The following DYNC2H1 variants were observed in gnomAD, a reference collection of about 807,000 sequenced individuals.
The protein encoded by DYNC2H1 is cytoplasmic dynein 2 heavy chain 1.
A neutral mutation model predicts 570.0 loss-of-function variants in DYNC2H1; 410 were observed. The ratio of observed to expected loss-of-function variants is 0.72; its 90% CI spans 0.66 to 0.78. The LOEUF (loss-of-function observed/expected upper bound fraction) is 0.78, where lower values mean the gene tolerates loss of function less well. Among genes scored for constraint, DYNC2H1 ranks in the 30% least tolerant of loss-of-function variants. The pLI is 0.00. For synonymous variants in DYNC2H1, 1,688 were observed against 1,677.6 expected, an observed-to-expected ratio of 1.01 and a Z score of -0.15; for missense variants, 4,865 against 5,046.4, an observed-to-expected ratio of 0.96 and a Z score of 1.09.
chr11:103,468,097 C>A (rs1308585152), intron 87 of DYNC2H1, among the ~76,000 whole-genome samples: 1 of 152,146 alleles, frequency 6.6e-6, no homozygotes, highest in African/African-American at 2.4e-5. Context: ...CCAAGGTTAC[C>A]TTAAAGACAT....
intron 43 of DYNC2H1, 92 bp downstream of exon 43, chr11:103,187,678 C>A: frequency 7.0e-7 from 1 of 1,435,944 alleles, no homozygotes; most frequent in Non-Finnish European, 9.4e-7. Context: ...TCATTTGGGG[C>A]CAGTTTTATC....
Position 103,243,854 on chromosome 11 carries a change from G to A in DYNC2H1, c.9918+63G>A. 3 of 1,305,380 alleles carry A rather than the reference G, an allele frequency of 2.3e-6. No individual in the cohort carries two copies. The highest frequency in any genetic ancestry group is 3.2e-6 in the Non-Finnish European group (3 of 945,002). The allele number at this position is 1,305,380 out of a possible 1,614,324, so 80.9% of individuals were successfully genotyped here. ...GACCTCTTATAGTGAAAAGATCTTG[G>A]AGTCTATAATCAGAAAACATAGATT... On this transcript the variant is annotated intron_variant, in intron 64 of 88. Coordinates refer to ENST00000375735, the MANE Select transcript of DYNC2H1 (RefSeq NM_001377.3). This position sits in a 1 kb window ranked among gnomAD's most constrained non-coding sequence, Gnocchi z 4.8.
intron 87 of DYNC2H1, 97 bp from the exon 88 acceptor site, chr11:103,468,492 A>T: frequency 1.3e-6 from 1 of 768,688 alleles, no homozygotes; most frequent in Non-Finnish European, 2.1e-6. Context: ...GAATCGGTGA[A>T]CACAATGGAA....
chr11:103,202,795 C>A (rs1430203759), intron 50 of DYNC2H1, among the ~76,000 whole-genome samples: 2 of 152,066 alleles, frequency 1.3e-5, no homozygotes, highest in Non-Finnish European at 2.9e-5. Context: ...TTATTAAATG[C>A]CTCTTATATG....
Position 103,243,742 on chromosome 11 carries a change from G to A in DYNC2H1, c.9869G>A (p.Trp3290Ter). 1 of 1,605,788 alleles carries A rather than the reference G, an allele frequency of 6.2e-7. No homozygotes were observed. ...GATCCTTCTTCCCAAGCTACAGAGTGGTTAAAAACACATTTGAAAGACTCA... is the reference window on the plus strand; with the variant it reads ...GATCCTTCTTCCCAAGCTACAGAGTAGTTAAAAACACATTTGAAAGACTCA... ...LIDPSSQATE[W>*]LKTHLKDSRL... Residue 3290 changes from tryptophan (W) to a stop codon, truncating the protein, a stop_gained, in exon 64 of 89, where the codon TGG becomes TAG. Coordinates refer to ENST00000375735, the MANE Select transcript of DYNC2H1 (RefSeq NM_001377.3). LOFTEE classifies it high-confidence loss of function. This position sits in a 1 kb window ranked among gnomAD's most constrained non-coding sequence, Gnocchi z 4.8.
intron 55 of DYNC2H1, among the ~76,000 whole-genome samples, chr11:103,219,505 G>A (rs1286190106): frequency 6.6e-6 from 1 of 152,104 alleles, no homozygotes; most frequent in East Asian, 1.9e-4. Context: ...CCAGCTACTT[G>A]TGAGGCTGAG....
chr11:103,424,705 C>CA lies in DYNC2H1; in HGVS notation c.12367-11223dup, dbSNP rs72076859. Reference sequence around the variant, plus strand: ...GGCAAATGTTTAAAAACTGGCTCTCCAAAAAAAAAAAAAAAGAGGAGGCAA... The same window carrying CA: ...GGCAAATGTTTAAAAACTGGCTCTCCAAAAAAAAAAAAAAAAGAGGAGGCAA... On this transcript the variant is annotated intron_variant, in intron 84 of 88. Coordinates refer to ENST00000375735, the MANE Select transcript of DYNC2H1 (RefSeq NM_001377.3). Among the ~76,000 whole-genome samples the CA allele has an allele frequency of 2.3e-3, 300 of 130,972 alleles. 10 individuals carry two copies. The highest frequency in any genetic ancestry group is 8.4e-3 in the Middle Eastern group (2 of 238). The allele number at this position is 130,972 out of a possible 152,430, so 85.9% of individuals were successfully genotyped here. A position where few individuals can be genotyped will look rare whatever the true frequency, so the allele number is the denominator to read the frequency against.
At chr11:103,396,905 T>C (rs12577847) in intron 83 of DYNC2H1, among the ~76,000 whole-genome samples, 7,900 of 152,190 alleles carry the variant, frequency 0.052, 384 homozygotes, top group East Asian at 0.19. Flanking sequence ...TTCTGACTTA[T>C]AAATGGGAGC....
intron 17 of DYNC2H1, 146 bp downstream of exon 17, chr11:103,136,094 A>G (rs1244083698): frequency 1.6e-6 from 1 of 620,808 alleles, no homozygotes; most frequent in African/African-American, 1.9e-5. Context: ...GTAGATACTT[A>G]TACAACCTAG....
intron 70 of DYNC2H1, among the ~76,000 whole-genome samples, chr11:103,267,821 T>C (rs796375772): frequency 4.6e-5 from 7 of 152,076 alleles, no homozygotes; most frequent in African/African-American, 1.4e-4. Context: ...AATATATAGA[T>C]ATAATTTTTA....
intron 84 of DYNC2H1, among the ~76,000 whole-genome samples, chr11:103,431,761 G>A (rs1943901680): frequency 6.6e-6 from 1 of 152,154 alleles, no homozygotes; most frequent in Non-Finnish European, 1.5e-5. Flanking sequence ...CCTGCAAAAT[G>A]TTGTTGAGAT....
intron 87 of DYNC2H1, among the ~76,000 whole-genome samples, chr11:103,467,434 C>T (rs189257703): frequency 2.6e-5 from 4 of 152,298 alleles, no homozygotes; most frequent in Admixed American, 2.0e-4. Flanking sequence ...AAATTATCTT[C>T]ACTCTTCCAA....
chr11:103,344,889 T>G (rs1225231490), intron 82 of DYNC2H1, among the ~76,000 whole-genome samples: 1 of 152,162 alleles, frequency 6.6e-6, no homozygotes, highest in East Asian at 1.9e-4. Flanking sequence ...AATTAAGATA[T>G]TACCATAACT....
At chr11:103,450,411 T>C (rs1326261230) in intron 85 of DYNC2H1, among the ~76,000 whole-genome samples, 1 of 152,218 alleles carries the variant, frequency 6.6e-6, no homozygotes, top group African/African-American at 2.4e-5. Context: ...GCACAGGGTG[T>C]TTACAGTGGT....
At chr11:103,212,179 AT>A (rs1373696678) in intron 54 of DYNC2H1, among the ~76,000 whole-genome samples, 1 of 151,926 alleles carries the variant, frequency 6.6e-6, no homozygotes, top group Non-Finnish European at 1.5e-5. Flanking sequence ...GCATTTATGG[AT>A]TTTTGATAGC....
rs1389741859 is a variant in DYNC2H1, at chr11:103,209,923, T to C, written c.8502T>C (p.Asn2834=). ...FSETGGGEKY[N]DKKRKEEKKK... The stretch of plus-strand genomic sequence containing the variant: ...AAACAGGTGGTGGAGAAAAATACAA[T>C]GATAAAAAACGAAAAGAAGAAAAGA... The change falls in exon 53 of 89, where the codon AAT becomes AAC. Residue 2834 remains asparagine (N), a synonymous_variant. Coordinates refer to ENST00000375735, the MANE Select transcript of DYNC2H1 (RefSeq NM_001377.3). The surrounding 1 kb of genome is among the most constrained non-coding windows in gnomAD (Gnocchi z 4.2). 2 of 1,498,928 alleles carry C rather than the reference T, an allele frequency of 1.3e-6. No individual in the cohort carries two copies. Among genetic ancestry groups the C allele is most frequent in the Non-Finnish European group, 1.8e-6 (2 of 1,122,200 alleles). The allele number at this position is 1,498,928 out of a possible 1,614,324, so 92.9% of individuals were successfully genotyped here.
Position 103,252,657 on chromosome 11 carries a change from CTA to C in DYNC2H1, c.10043-626_10043-625del, listed in dbSNP as rs1322502656. On this transcript the variant is annotated intron_variant, in intron 65 of 88. Transcript: ENST00000375735. This position sits in a 1 kb window ranked among gnomAD's most constrained non-coding sequence, Gnocchi z 4.6. ...ATTTGTATCTTCTTTGGAGAAATGT[CTA>C]TTCAGGTCCTTTGCCTGCTTTTTAA... is the stretch of plus-strand genomic sequence containing the variant. Among the ~76,000 whole-genome samples, 1 of 152,078 alleles carries C rather than the reference CTA, an allele frequency of 6.6e-6. No individual in the cohort carries two copies. The highest frequency in any genetic ancestry group is 2.4e-5 in the African/African-American group (1 of 41,428).
intron 70 of DYNC2H1, among the ~76,000 whole-genome samples, chr11:103,272,537 C>T (rs1376582812): frequency 6.6e-6 from 1 of 151,896 alleles, no homozygotes; most frequent in African/African-American, 2.4e-5. Context: ...CAAACCTGCA[C>T]GTTGTGCAGA....
rs1858005105 is a variant in DYNC2H1, at chr11:103,109,498, C to T, written c.-77C>T. On this transcript the variant is annotated 5_prime_UTR_variant, in exon 1 of 89. Coordinates refer to ENST00000375735, the MANE Select transcript of DYNC2H1 (RefSeq NM_001377.3). Reference sequence around the variant, plus strand: ...GGCTACGGGTTTGAGCAAAGCTCCTCTCTTCCCTTCACTTCCCTCCGGACT... The same window carrying T: ...GGCTACGGGTTTGAGCAAAGCTCCTTTCTTCCCTTCACTTCCCTCCGGACT... 22 of 1,396,112 alleles carry T rather than the reference C, an allele frequency of 1.6e-5. No individual in the cohort carries two copies. In the South Asian group the frequency reaches 2.6e-4, roughly 17 times the overall value. The allele number at this position is 1,396,112 out of a possible 1,614,324, so 86.5% of individuals were successfully genotyped here.
Sources: allele counts gnomAD v4.1 joint callset (sites outside exome capture counted in the v4.1 genomes callset), GRCh38; gene constraint gnomAD v4.1.1; non-coding constraint Gnocchi (gnomAD v3.1); transcripts MANE v1.5; gene names NCBI Gene and HGNC (gene_info 2026-07-23, HGNC 2026-07-21).